BIN1: variants seen among roughly 807,000 people sequenced by gnomAD.
BIN1 encodes myc box-dependent-interacting protein 1.
BIN1 carries 53 observed loss-of-function variants against 82.0 expected under a neutral mutation model. The ratio of observed to expected loss-of-function variants is 0.65; its 90% CI spans 0.52 to 0.81. BIN1 has a LOEUF of 0.81. Ranked by LOEUF, BIN1 falls within the 40% of genes least tolerant of loss-of-function variation. The pLI is 0.00. For synonymous variants in BIN1, 302 were observed against 328.0 expected (o/e 0.92, Z 0.86); for missense variants, 642 against 784.4 (o/e 0.82, Z 2.17).
chr2:127,053,573 C>T lies in BIN1; in HGVS notation c.1240-128G>A, dbSNP rs1192260481. On this transcript the variant is annotated intron_variant, in intron 13 of 18. Transcript: ENST00000316724. ...CAGCCCAGCAGGCACAGGAGTGGCTCGGAGCCAGGTAGACTCCAAGATTTG... is the reference window on the plus strand; with the variant it reads ...CAGCCCAGCAGGCACAGGAGTGGCTTGGAGCCAGGTAGACTCCAAGATTTG... 73 of 1,268,212 alleles carry T rather than the reference C, an allele frequency of 5.8e-5. 1 individual carries two copies. Among genetic ancestry groups the T allele is most frequent in the Non-Finnish European group, 7.5e-5 (67 of 889,516 alleles). 78.6% of individuals were successfully genotyped at this position (1,268,212 alleles called of 1,614,324 possible).
intron 1 of BIN1, among the ~76,000 whole-genome samples, chr2:127,099,748 G>A (rs1370392103): frequency 6.6e-6 from 1 of 151,544 alleles, no homozygotes; most frequent in African/African-American, 2.4e-5. Flanking sequence ...TCTTGACCTC[G>A]TGATCCGCCC....
At chr2:127,098,330 G>A (rs1252544912) in intron 1 of BIN1, among the ~76,000 whole-genome samples, 4 of 152,144 alleles carry the variant, frequency 2.6e-5, no homozygotes, top group African/African-American at 7.2e-5. Flanking sequence ...ACCCAGTCCT[G>A]TGGCGGCTGC....
intron 1 of BIN1, among the ~76,000 whole-genome samples, chr2:127,077,060 G>A (rs1175904186): frequency 1.3e-5 from 2 of 152,146 alleles, no homozygotes; most frequent in African/African-American, 4.8e-5. Flanking sequence ...CCCCACCCTG[G>A]AAGCTGAAAA....
chr2:127,071,435 T>G (rs538627877), intron 2 of BIN1, among the ~76,000 whole-genome samples: 1 of 151,836 alleles, frequency 6.6e-6, no homozygotes, highest in Non-Finnish European at 1.5e-5. Flanking sequence ...AGCAGGGACA[T>G]AGGATGTAGA....
At chr2:127,069,523 C>G (rs2105064104) in intron 5 of BIN1, among the ~76,000 whole-genome samples, 1 of 152,330 alleles carries the variant, frequency 6.6e-6, no homozygotes, top group Non-Finnish European at 1.5e-5. Context: ...CGAGCACCAA[C>G]CCAGGCCTGG....
intron 1 of BIN1, among the ~76,000 whole-genome samples, chr2:127,097,224 G>A (rs1285326171): frequency 6.6e-6 from 1 of 152,180 alleles, no homozygotes; most frequent in Non-Finnish European, 1.5e-5. Context: ...ATACAGGGGC[G>A]CCCTAAAAAG....
At chr2:127,080,614 C>T (rs567405844) in intron 1 of BIN1, among the ~76,000 whole-genome samples, 4 of 152,314 alleles carry the variant, frequency 2.6e-5, no homozygotes, top group East Asian at 3.9e-4. Context: ...GAGGCCCAGG[C>T]GGCAGAGGCA....
In BIN1 at chr2:127,068,321, GAC is replaced by G; in HGVS notation, c.520-68_520-67del. ...AGGGAGGTGGGGAGAGAGAAACAGA[GAC>G]ACACAGATTAAATGCAGGTCCACAC... On this transcript the variant is annotated intron_variant, in intron 6 of 18. Transcript: ENST00000316724. This position sits in a 1 kb window ranked among gnomAD's most constrained non-coding sequence, Gnocchi z 4.9. The G allele has an allele frequency of 2.2e-6, 3 of 1,357,434 alleles. No homozygotes were observed. Among genetic ancestry groups the G allele is most frequent in the Admixed American group, 3.7e-5 (2 of 54,638 alleles). 84.1% of individuals were successfully genotyped at this position (1,357,434 alleles called of 1,614,324 possible).
Position 127,063,551 on chromosome 2 carries a change from G to C in BIN1, c.774+20C>G. On this transcript the variant is annotated intron_variant, in intron 9 of 18. Coordinates refer to ENST00000316724, the MANE Select transcript of BIN1 (RefSeq NM_139343.3). Reference sequence around the variant, plus strand: ...GGCCAGGGTGGGGTGTGGCCCCTCAGAGGGGTCCCCATGGCCTACCTTGCT... The same window carrying C: ...GGCCAGGGTGGGGTGTGGCCCCTCACAGGGGTCCCCATGGCCTACCTTGCT... 2 of 1,612,496 alleles carry C rather than the reference G, an allele frequency of 1.2e-6. No homozygotes were observed. The highest frequency in any genetic ancestry group is 1.7e-6 in the Non-Finnish European group (2 of 1,179,236).
chr2:127,088,797 G>A (rs1678531273), intron 1 of BIN1, among the ~76,000 whole-genome samples: 1 of 151,882 alleles, frequency 6.6e-6, no homozygotes, highest in Admixed American at 6.6e-5. Context: ...GAGGGCGGCT[G>A]CTCTTAGGAA....
At chr2:127,062,422 A>C (rs747353907) in intron 9 of BIN1, among the ~76,000 whole-genome samples, 38 of 152,262 alleles carry the variant, frequency 2.5e-4, no homozygotes, top group Non-Finnish European at 4.4e-4. Context: ...TGTCTCTGGA[A>C]GCCATCTTTT....
At chr2:127,087,246 G>A (rs945160271) in intron 1 of BIN1, among the ~76,000 whole-genome samples, 3 of 152,090 alleles carry the variant, frequency 2.0e-5, no homozygotes, top group Non-Finnish European at 2.9e-5. Flanking sequence ...GCCCAGCCCC[G>A]CCCCTGAGAA....
At chr2:127,104,678 G>A (rs1213240476) in intron 1 of BIN1, among the ~76,000 whole-genome samples, 1 of 152,200 alleles carries the variant, frequency 6.6e-6, no homozygotes, top group Non-Finnish European at 1.5e-5. Context: ...TTGACAGTGG[G>A]AGTTAGAGGC....
intron 12 of BIN1, chr2:127,055,135 C>G (rs1395700536): frequency 6.6e-5 from 10 of 152,346 alleles, no homozygotes. Flanking sequence ...CTTCCCGGCT[C>G]TACACACTCT....
At chr2:127,069,571 G>A (rs80310911) in intron 5 of BIN1, among the ~76,000 whole-genome samples, 7,377 of 152,136 alleles carry the variant, frequency 0.048, 357 homozygotes, top group South Asian at 0.16. Flanking sequence ...ACAACCACAC[G>A]CACACACCCA....
At chr2:127,070,117 C>A (rs766374247) in intron 4 of BIN1, 27 bp from the exon 5 acceptor site, 97 of 1,603,310 alleles carry the variant, frequency 6.0e-5, no homozygotes, top group Non-Finnish European at 6.8e-6. Context: ...CACGACAGTG[C>A]CACCAGGAGG....
chr2:127,078,520 G>A (rs2105163056), intron 1 of BIN1, among the ~76,000 whole-genome samples: 1 of 152,282 alleles, frequency 6.6e-6, no homozygotes, highest in Middle Eastern at 3.4e-3. Context: ...ACAGAGGATG[G>A]AGTGGGAAAG....
chr2:127,072,033 C>G (rs1685956553), intron 2 of BIN1, among the ~76,000 whole-genome samples: 1 of 152,212 alleles, frequency 6.6e-6, no homozygotes, highest in African/African-American at 2.4e-5. Context: ...CTGCTGCCAG[C>G]CCAAGCCTCA....
intron 7 of BIN1, among the ~76,000 whole-genome samples, chr2:127,066,019 C>T (rs571256994): frequency 1.2e-4 from 18 of 152,304 alleles, no homozygotes; most frequent in South Asian, 6.2e-4. Flanking sequence ...GCATTCAGGA[C>T]GCTGAGGCAG....
Sources: allele counts gnomAD v4.1 joint callset (sites outside exome capture counted in the v4.1 genomes callset), GRCh38; gene constraint gnomAD v4.1.1; non-coding constraint Gnocchi (gnomAD v3.1); transcripts MANE v1.5; gene names NCBI Gene and HGNC (gene_info 2026-07-23, HGNC 2026-07-21).